ZFAND6: variants seen among roughly 807,000 people sequenced by gnomAD.
ZFAND6 encodes the protein AN1-type zinc finger protein 6.
ZFAND6 carries 12 observed loss-of-function variants against 24.5 expected under a neutral mutation model. The observed-to-expected ratio is 0.49, with a 90% confidence interval of 0.31 to 0.79. The LOEUF is 0.79. Among genes scored for constraint, ZFAND6 ranks in the 30% least tolerant of loss-of-function variants. The probability of loss-of-function intolerance (pLI) is 0.04; values close to 1 mark genes in which losing one functional copy is unlikely to be tolerated. For synonymous variants in ZFAND6, 92 were observed against 81.5 expected, an observed-to-expected ratio of 1.13 and a Z score of -0.69; for missense variants, 207 against 245.9, an observed-to-expected ratio of 0.84 and a Z score of 1.06.
At position 80,137,476 on chromosome 15, in the gene ZFAND6, C is replaced by T. The variant is rs1390712094; in HGVS notation, c.479-4C>T. ...CTCATGTATGTGTATTACTCCATTT[C>T]CAGGGTTTGAATGCCGGTGTGGAAA... On this transcript the variant is annotated splice_polypyrimidine_tract_variant and splice_region_variant and intron_variant, in intron 6 of 6. Coordinates refer to ENST00000261749, the MANE Select transcript of ZFAND6 (RefSeq NM_019006.4). 6.2e-7 allele frequency: 1 copy of T among 1,600,516 alleles called. No homozygotes were observed. The highest frequency in any genetic ancestry group is 1.8e-5 in the Admixed American group (1 of 55,942).
Position 80,065,537 on chromosome 15 carries a change from ATTTTTTTTTTTT to A in ZFAND6, c.-181+5742_-181+5753del, listed in dbSNP as rs149756891. Among the ~76,000 whole-genome samples the A allele has an allele frequency of 9.5e-3, 730 of 76,554 alleles. 26 individuals carry two copies. The highest frequency in any genetic ancestry group is 0.037 in the African/African-American group (701 of 19,008). 50.2% of individuals were successfully genotyped at this position (76,554 alleles called of 152,430 possible). On this transcript the variant is annotated intron_variant, in intron 1 of 6. Transcript: ENST00000261749. ...GGGCTTCAAATTAGTTTTGGTTTTG[ATTTTTTTTTTTT>A]TTTTTTTTTTTTTGGAGACAGAGTC...
intron 6 of ZFAND6, among the ~76,000 whole-genome samples, chr15:80,132,162 G>A (rs2040633684): frequency 6.6e-6 from 1 of 152,188 alleles, no homozygotes; most frequent in Admixed American, 6.5e-5. Context: ...ACATGGGACT[G>A]TAGGGGTCCA....
chr15:80,084,300 G>A (rs563633890), intron 1 of ZFAND6, among the ~76,000 whole-genome samples: 9 of 152,180 alleles, frequency 5.9e-5, no homozygotes, highest in African/African-American at 2.2e-4. Context: ...GTGCAGACAC[G>A]ATGCTGAAAG....
intron 1 of ZFAND6, among the ~76,000 whole-genome samples, chr15:80,093,159 G>A (rs139927107): frequency 6.6e-6 from 1 of 151,696 alleles, no homozygotes; most frequent in African/African-American, 2.4e-5. Context: ...TAGAGTCGGG[G>A]TTTCACCATG....
At chr15:80,110,839 C>T (rs960804665) in intron 2 of ZFAND6, among the ~76,000 whole-genome samples, 1 of 152,144 alleles carries the variant, frequency 6.6e-6, no homozygotes, top group African/African-American at 2.4e-5. Flanking sequence ...AAAATCAACT[C>T]TAGATGGATT....
chr15:80,114,392 G>T (rs189885538), intron 2 of ZFAND6, among the ~76,000 whole-genome samples: 1 of 152,136 alleles, frequency 6.6e-6, no homozygotes, highest in Non-Finnish European at 1.5e-5. Context: ...TGTGAAGGAC[G>T]AATGCTAGGT....
At chr15:80,089,267 T>TG (rs2038196916) in intron 1 of ZFAND6, among the ~76,000 whole-genome samples, 1 of 135,408 alleles carries the variant, frequency 7.4e-6, no homozygotes, top group African/African-American at 2.8e-5. Flanking sequence ...GTGTTTTTTT[T>TG]TTTTTTTTTT....
chr15:80,099,603 C>T (rs922485620), intron 2 of ZFAND6, among the ~76,000 whole-genome samples: 20 of 141,206 alleles, frequency 1.4e-4, no homozygotes, highest in African/African-American at 5.2e-4. Flanking sequence ...AGAATACACA[C>T]TGAATATGGA....
At chr15:80,089,079 A>T (rs1239818794) in intron 1 of ZFAND6, among the ~76,000 whole-genome samples, 1 of 151,288 alleles carries the variant, frequency 6.6e-6, no homozygotes, top group Non-Finnish European at 1.5e-5. Context: ...GGCCCTTTTC[A>T]CTTTTACAGC....
intron 2 of ZFAND6, among the ~76,000 whole-genome samples, chr15:80,103,073 G>A (rs2039123422): frequency 6.6e-6 from 1 of 152,176 alleles, no homozygotes; most frequent in Admixed American, 6.5e-5. Context: ...CTTGTCTGGA[G>A]GGTTTATCCC....
intron 1 of ZFAND6, among the ~76,000 whole-genome samples, chr15:80,074,534 C>T (rs556672794): frequency 1.3e-5 from 2 of 151,850 alleles, no homozygotes; most frequent in East Asian, 3.9e-4. Context: ...TATGAATAAC[C>T]TTTGTCATTA....
intron 1 of ZFAND6, among the ~76,000 whole-genome samples, chr15:80,065,510 T>TG (rs1204377342): frequency 1.3e-5 from 2 of 150,956 alleles, no homozygotes; most frequent in Non-Finnish European, 1.5e-5. Context: ...TTTATTCTTT[T>TG]GGGGCTTCAA....
At chr15:80,066,515 G>A (rs1469408376) in intron 1 of ZFAND6, among the ~76,000 whole-genome samples, 5 of 151,966 alleles carry the variant, frequency 3.3e-5, no homozygotes, top group South Asian at 2.1e-4. Context: ...GTTTCACCAC[G>A]GTGGCCAGGC....
chr15:80,128,778 C>A (rs2040475725), intron 5 of ZFAND6, among the ~76,000 whole-genome samples: 1 of 152,056 alleles, frequency 6.6e-6, no homozygotes, highest in Non-Finnish European at 1.5e-5. Context: ...ACTGCATTTG[C>A]CTCAGTTAAA....
rs147889314 is a variant in ZFAND6 at position 80,124,504 on chromosome 15, A to G, written c.364+1704A>G. 7.8e-3 allele frequency among the ~76,000 whole-genome samples: 1,191 copies of G among 152,348 alleles called. 14 individuals carry two copies. Among genetic ancestry groups the G allele is most frequent in the African/African-American group, 0.027 (1,128 of 41,564 alleles). ...AGCTTAAGAATACAATAGTATTTAC[A>G]GAAGTTTGACAAAGAATAAAGGTCA... On this transcript the variant is annotated intron_variant, in intron 5 of 6. Coordinates refer to ENST00000261749, the MANE Select transcript of ZFAND6 (RefSeq NM_019006.4).
At chr15:80,113,398 T>A (rs891831840) in intron 2 of ZFAND6, among the ~76,000 whole-genome samples, 2 of 152,248 alleles carry the variant, frequency 1.3e-5, no homozygotes, top group Non-Finnish European at 2.9e-5. Context: ...CAATCAAATA[T>A]GGCTATGGGT....
At chr15:80,090,676 C>G (rs2038303212) in intron 1 of ZFAND6, among the ~76,000 whole-genome samples, 1 of 152,092 alleles carries the variant, frequency 6.6e-6, no homozygotes, top group African/African-American at 2.4e-5. Context: ...GCAAAAACAA[C>G]CCTGGAGAAT....
intron 2 of ZFAND6, among the ~76,000 whole-genome samples, chr15:80,102,038 C>T (rs970167930): frequency 2.6e-5 from 4 of 151,914 alleles, no homozygotes; most frequent in Non-Finnish European, 4.4e-5. Flanking sequence ...CCTCGTGATC[C>T]GCCTGTTTCG....
At chr15:80,061,160 G>C (rs893491430) in intron 1 of ZFAND6, among the ~76,000 whole-genome samples, 1 of 152,140 alleles carries the variant, frequency 6.6e-6, no homozygotes, top group Non-Finnish European at 1.5e-5. Flanking sequence ...AAAACAAGTT[G>C]TCTTTTTTAT....
Sources: gnomAD v4.1 joint callset for allele counts (sites outside exome capture counted in the v4.1 genomes callset) on GRCh38, gnomAD v4.1.1 for gene constraint, MANE v1.5 for transcripts, NCBI Gene and HGNC (gene_info 2026-07-23, HGNC 2026-07-21) for gene names.